HERC1: variants seen among roughly 807,000 people sequenced by gnomAD.
The protein encoded by HERC1 is HECT and RLD domain containing E3 ubiquitin protein ligase family member 1, also known as probable E3 ubiquitin-protein ligase HERC1.
HERC1 carries 160 observed loss-of-function variants against 554.3 expected under a neutral mutation model. That is an observed-to-expected ratio of 0.29 (90% CI 0.25 to 0.33). The LOEUF (loss-of-function observed/expected upper bound fraction) is 0.33, where lower values mean the gene tolerates loss of function less well. HERC1 is among the 10% of genes least tolerant of loss of function. HERC1 has a pLI of 1.00. For missense variants in HERC1, 4,919 were observed against 5,918.5 expected, an observed-to-expected ratio of 0.83 and a Z score of 5.54; for synonymous variants, 2,175 against 2,131.7, an observed-to-expected ratio of 1.02 and a Z score of -0.56.
At chr15:63,800,552 G>C (rs910375347) in intron 1 of HERC1, among the ~76,000 whole-genome samples, 1 of 152,204 alleles carries the variant, frequency 6.6e-6, no homozygotes, top group African/African-American at 2.4e-5. Flanking sequence ...ATCACTAGCT[G>C]AATTAAATGT....
At chr15:63,795,609 T>C (rs771661289) in intron 1 of HERC1, among the ~76,000 whole-genome samples, 46 of 152,212 alleles carry the variant, frequency 3.0e-4, no homozygotes, top group Non-Finnish European at 5.4e-4. Context: ...GAAATGCTTG[T>C]TCCCTGGTGC....
rs368216902 is a variant in HERC1 at position 63,640,241 on chromosome 15, C to T, written c.11812G>A (p.Glu3938Lys). The T allele has an allele frequency of 2.8e-5, 45 of 1,613,772 alleles. No individual in the cohort carries two copies. Among genetic ancestry groups the T allele is most frequent in the Non-Finnish European group, 3.6e-5 (43 of 1,179,822 alleles). Residue 3938 changes from glutamate to lysine, a missense_variant, in exon 61 of 78, where the codon GAA becomes AAA. Physicochemically the swap from Glu to Lys is moderately conservative, Grantham distance 56. Transcript: ENST00000443617. ...AACTGGGCTCCATTGGTCAGGGCTT[C>T]GGCAGCTTTTATAGTGGTTGAGAAA... ...ECFSTTIKAA[E>K]ALTNGAQFPE...
intron 43 of HERC1, among the ~76,000 whole-genome samples, 174 bp from the exon 44 acceptor site, chr15:63,663,378 G>A (rs908301635): frequency 2.6e-5 from 4 of 152,246 alleles, no homozygotes; most frequent in Non-Finnish European, 4.4e-5. Context: ...TCTTGCAAAA[G>A]GGGATAATAA....
At chr15:63,743,486 A>G (rs989293421) in intron 12 of HERC1, among the ~76,000 whole-genome samples, 10 of 151,832 alleles carry the variant, frequency 6.6e-5, no homozygotes, top group Non-Finnish European at 1.5e-4. Flanking sequence ...GAATGTCTCT[A>G]TCTCTTGACC....
chr15:63,653,650 C>T (rs2069835883), intron 51 of HERC1, among the ~76,000 whole-genome samples: 1 of 152,128 alleles, frequency 6.6e-6, no homozygotes, highest in East Asian at 1.9e-4. Context: ...TATATATATC[C>T]TCCCATGTAA....
rs2071140032 is a variant in HERC1, at chr15:63,675,292, A to AC, written c.7071-176_7071-175insG. ...AGAAAAACGAGTCTATTATGAGAAA[A>AC]TGGGGAGATGTGATACTAAATGCAG... is the stretch of plus-strand genomic sequence containing the variant. On this transcript the variant is annotated intron_variant, in intron 37 of 77. Coordinates refer to ENST00000443617, the MANE Select transcript of HERC1 (RefSeq NM_003922.4). 8 of 511,886 alleles carry AC rather than the reference A, an allele frequency of 1.6e-5. No individual in the cohort carries two copies. The East Asian group carries it at 2.5e-4, about 16-fold the overall frequency. The allele number at this position is 511,886 out of a possible 1,614,324, so 31.7% of individuals were successfully genotyped here.
At chr15:63,714,721 G>A (rs1006906231) in intron 22 of HERC1, among the ~76,000 whole-genome samples, 1 of 151,472 alleles carries the variant, frequency 6.6e-6, no homozygotes, top group African/African-American at 2.4e-5. Context: ...CTAATTTTTT[G>A]TATCTTTAGT....
At position 63,749,468 on chromosome 15, in the gene HERC1, A is replaced by T; in HGVS notation, c.2118T>A (p.Ile706=). ...QCGQGNSTGP[I]TKPKKVSGLD... Reference sequence around the variant, plus strand: ...AGCCACTCACTTTCTTTGGTTTAGTAATAGGACCTGTGGAATTTCCCTGAC... The same window carrying T: ...AGCCACTCACTTTCTTTGGTTTAGTTATAGGACCTGTGGAATTTCCCTGAC... The change falls in exon 10 of 78, where the codon ATT becomes ATA. Residue 706 remains isoleucine, a synonymous_variant. Coordinates refer to ENST00000443617, the MANE Select transcript of HERC1 (RefSeq NM_003922.4). This position sits in a 1 kb window ranked among gnomAD's most constrained non-coding sequence, Gnocchi z 4.1. 6.2e-7 allele frequency: 1 copy of T among 1,613,782 alleles called. No individual in the cohort carries two copies. Among genetic ancestry groups the T allele is most frequent in the South Asian group, 1.1e-5 (1 of 91,070 alleles).
chr15:63,785,725 T>C (rs942455419), intron 1 of HERC1, among the ~76,000 whole-genome samples: 1 of 151,760 alleles, frequency 6.6e-6, no homozygotes. Context: ...GTCAAGATCA[T>C]GCTACTACAC....
At chr15:63,801,299 GT>G (rs753411021) in intron 1 of HERC1, among the ~76,000 whole-genome samples, 4 of 152,218 alleles carry the variant, frequency 2.6e-5, no homozygotes, top group Non-Finnish European at 5.9e-5. Context: ...CAATTCAGAA[GT>G]GTGGGACTCA....
intron 32 of HERC1, among the ~76,000 whole-genome samples, chr15:63,689,928 C>G (rs892596830): frequency 1.3e-5 from 2 of 152,050 alleles, no homozygotes; most frequent in Non-Finnish European, 2.9e-5. Context: ...CTTTGGGAGG[C>G]TGAGGCGGGT....
chr15:63,609,874 G>T (rs545828983), intron 77 of HERC1, among the ~76,000 whole-genome samples: 40 of 152,116 alleles, frequency 2.6e-4, no homozygotes, highest in Non-Finnish European at 5.3e-4. Flanking sequence ...TAATTATGAT[G>T]ACTGGCAGCA....
At chr15:63,712,241 C>T (rs896517373) in intron 24 of HERC1, among the ~76,000 whole-genome samples, 9 of 152,106 alleles carry the variant, frequency 5.9e-5, no homozygotes, top group African/African-American at 2.2e-4. Context: ...CTTCTGCACA[C>T]GTCCACTCAA....
At chr15:63,653,932 C>G (rs183846455) in intron 51 of HERC1, among the ~76,000 whole-genome samples, 187 bp downstream of exon 51, 1 of 152,168 alleles carries the variant, frequency 6.6e-6, no homozygotes, top group East Asian at 1.9e-4. Context: ...TTATATCAAA[C>G]CAGCATACAG....
chr15:63,638,824 C>T lies in HERC1; in HGVS notation c.11902-48G>A, dbSNP rs770420639. The T allele has an allele frequency of 2.2e-6, 3 of 1,353,330 alleles. No individual in the cohort carries two copies. In the African/African-American group the frequency reaches 4.3e-5, roughly 19 times the overall value. 83.8% of individuals were successfully genotyped at this position (1,353,330 alleles called of 1,614,324 possible). ...TGATCAATTCTGCTTAGGCAAGATG[C>T]ACCTGCTCTTAACCACAAAGTCCTC... is the stretch of plus-strand genomic sequence containing the variant. On this transcript the variant is annotated intron_variant, in intron 61 of 77. Transcript: ENST00000443617.
intron 1 of HERC1, among the ~76,000 whole-genome samples, chr15:63,782,603 C>G (rs866212227): frequency 6.6e-6 from 1 of 152,222 alleles, no homozygotes; most frequent in Non-Finnish European, 1.5e-5. Flanking sequence ...AACATCCATT[C>G]TGCAGCACAT....
intron 12 of HERC1, among the ~76,000 whole-genome samples, chr15:63,740,790 AG>A (rs1471365262): frequency 6.6e-6 from 1 of 151,954 alleles, no homozygotes; most frequent in East Asian, 1.9e-4. Context: ...TTTATTGTTG[AG>A]CTGTAAGAAT....
At chr15:63,610,662 C>G (rs1288009288) in intron 77 of HERC1, among the ~76,000 whole-genome samples, 1 of 152,178 alleles carries the variant, frequency 6.6e-6, no homozygotes, top group Non-Finnish European at 1.5e-5. Flanking sequence ...CAAGCCTAGC[C>G]CAGGAGCAGA....
rs367959308 is a variant in HERC1 at position 63,666,142 on chromosome 15, C to T, written c.8332G>A (p.Gly2778Arg). 9 of 1,611,570 alleles carry T rather than the reference C, an allele frequency of 5.6e-6. No individual in the cohort carries two copies. Among genetic ancestry groups the T allele is most frequent in the Non-Finnish European group, 7.6e-6 (9 of 1,178,576 alleles). Residue 2778 changes from glycine to arginine, a missense_variant, in exon 42 of 78, where the codon GGA becomes AGA. This residue lies in a region of HERC1 where 1,963 missense variants were observed against 2,228.6 expected (regional missense o/e 0.88). Coordinates refer to ENST00000443617, the MANE Select transcript of HERC1 (RefSeq NM_003922.4). ...GTGATATTCTGGGCATCAGCCTCTC[C>T]CCTAGCACCTATACAGGGGAAAAAC... ...AKAMEATGARGEADAQNITVL... is the reference protein window; with the variant it reads ...AKAMEATGARREADAQNITVL...
Sources: allele counts gnomAD v4.1 joint callset (sites outside exome capture counted in the v4.1 genomes callset), GRCh38; gene constraint gnomAD v4.1.1; regional missense constraint gnomAD v4.1.1; non-coding constraint Gnocchi (gnomAD v3.1); transcripts MANE v1.5; gene names NCBI Gene and HGNC (gene_info 2026-07-23, HGNC 2026-07-21).